The following MGMT variants were observed in gnomAD, a reference collection of about 807,000 sequenced individuals.
MGMT encodes the protein O-6-methylguanine-DNA methyltransferase.
In MGMT, 14 loss-of-function variants were observed where a neutral mutation model predicts 15.9. The ratio of observed to expected loss-of-function variants is 0.88; its 90% CI spans 0.58 to 1.37. The LOEUF is 1.37. Ranked by LOEUF, MGMT falls within the 40% of genes most tolerant of loss-of-function variation. MGMT has a pLI of 0.00. For missense variants in MGMT, 282 were observed against 268.1 expected (o/e 1.05, Z -0.36); for synonymous variants, 130 against 118.2 (o/e 1.10, Z -0.65).
intron 2 of MGMT, among the ~76,000 whole-genome samples, chr10:129,599,856 A>G (rs1354337069): frequency 6.6e-6 from 1 of 152,154 alleles, no homozygotes; most frequent in African/African-American, 2.4e-5. Context: ...TGACAGAGCA[A>G]CTTAATTGTT....
chr10:129,672,956 G>A (rs1847741474), intron 2 of MGMT, among the ~76,000 whole-genome samples: 1 of 152,174 alleles, frequency 6.6e-6, no homozygotes, highest in Non-Finnish European at 1.5e-5. Flanking sequence ...TGGGGCACCG[G>A]CAGTGTGGGA....
rs1195181010 is a variant in MGMT at position 129,770,569 on chromosome 10, T to C, written c.*3572T>C. Among the ~76,000 whole-genome samples, 1 of 152,196 alleles carries C rather than the reference T, an allele frequency of 6.6e-6. No homozygotes were observed. Among genetic ancestry groups the C allele is most frequent in the Non-Finnish European group, 1.5e-5 (1 of 68,038 alleles). Reference sequence around the variant, plus strand: ...TGGCGCCAGCTCGGACTTCACCCCGTTGGAGCGGGCAGGATGTCACACTGA... The same window carrying C: ...TGGCGCCAGCTCGGACTTCACCCCGCTGGAGCGGGCAGGATGTCACACTGA... On this transcript the variant is annotated 3_prime_UTR_variant, in exon 5 of 5. Coordinates refer to ENST00000651593, the MANE Select transcript of MGMT (RefSeq NM_002412.5).
At chr10:129,658,599 C>T (rs1173291816) in intron 2 of MGMT, among the ~76,000 whole-genome samples, 1 of 152,104 alleles carries the variant, frequency 6.6e-6, no homozygotes, top group Non-Finnish European at 1.5e-5. Flanking sequence ...AATTGAAGCC[C>T]AGCCTGCTCT....
intron 1 of MGMT, among the ~76,000 whole-genome samples, chr10:129,520,439 A>G (rs1418604009): frequency 3.9e-5 from 6 of 152,176 alleles, no homozygotes; most frequent in East Asian, 3.9e-4. Context: ...CAGAGCCCCT[A>G]TGGTGCGAGT....
Position 129,708,018 on chromosome 10 carries a change from T to C in MGMT, c.249T>C (p.Ala83=), listed in dbSNP as rs1042399. 1.2e-6 allele frequency: 2 copies of C among 1,613,414 alleles called. No individual in the cohort carries two copies. Among genetic ancestry groups the C allele is most frequent in the African/African-American group, 1.3e-5 (1 of 74,956 alleles). ...CTATCGAAGAGTTCCCCGTGCCGGC[T>C]CTTCACCATCCCGTTTTCCAGCAAG... ...PEAIEEFPVP[A]LHHPVFQQES... is the part of the protein sequence containing the mutation. Residue 83 remains alanine (A), a synonymous_variant, in exon 3 of 5, where the codon GCT becomes GCC. Coordinates refer to ENST00000651593, the MANE Select transcript of MGMT (RefSeq NM_002412.5).
intron 2 of MGMT, among the ~76,000 whole-genome samples, chr10:129,555,250 G>C (rs1027265389): frequency 6.6e-6 from 1 of 152,178 alleles, no homozygotes; most frequent in African/African-American, 2.4e-5. Context: ...GCTTGCTTCA[G>C]ATCCCTTGCC....
intron 3 of MGMT, among the ~76,000 whole-genome samples, chr10:129,754,765 C>T (rs1848786896): frequency 6.6e-6 from 1 of 152,222 alleles, no homozygotes; most frequent in Non-Finnish European, 1.5e-5. Context: ...CAGAGTCCCT[C>T]AGTAACCAAT....
At chr10:129,686,521 C>T (rs1847906044) in intron 2 of MGMT, among the ~76,000 whole-genome samples, 1 of 151,940 alleles carries the variant, frequency 6.6e-6, no homozygotes, top group Admixed American at 6.6e-5. Flanking sequence ...ATTACAGGCG[C>T]CCACCACCAC....
chr10:129,704,184 A>G (rs1978759), intron 2 of MGMT, among the ~76,000 whole-genome samples: 117,290 of 151,792 alleles, frequency 0.77, 45,391 homozygotes, highest in South Asian at 0.81. Flanking sequence ...ATTGAATAAT[A>G]TTTAAGCCAA....
intron 1 of MGMT, among the ~76,000 whole-genome samples, chr10:129,486,531 A>G (rs1022077543): frequency 2.6e-5 from 4 of 152,050 alleles, no homozygotes; most frequent in African/African-American, 9.7e-5. Flanking sequence ...TTCAGCTCAT[A>G]CTCAGTCTTT....
intron 2 of MGMT, among the ~76,000 whole-genome samples, chr10:129,598,804 G>A (rs1260291664): frequency 1.3e-5 from 2 of 152,086 alleles, no homozygotes; most frequent in Non-Finnish European, 2.9e-5. Context: ...CCCCCTCCTG[G>A]GCTCACACTC....
At chr10:129,594,744 C>G (rs948478830) in intron 2 of MGMT, among the ~76,000 whole-genome samples, 1 of 152,242 alleles carries the variant, frequency 6.6e-6, no homozygotes, top group Non-Finnish European at 1.5e-5. Flanking sequence ...GAAGAAATCT[C>G]TCTCCTACCA....
chr10:129,607,227 A>AG (rs889226396), intron 2 of MGMT, among the ~76,000 whole-genome samples: 1 of 151,884 alleles, frequency 6.6e-6, no homozygotes, highest in Non-Finnish European at 1.5e-5. Flanking sequence ...CAGAAGGAAG[A>AG]GGGCAGTCAT....
At chr10:129,540,761 A>T (rs970925660) in intron 2 of MGMT, among the ~76,000 whole-genome samples, 2 of 152,340 alleles carry the variant, frequency 1.3e-5, no homozygotes, top group Middle Eastern at 3.4e-3. Flanking sequence ...GATTGATATT[A>T]CTTTATCTCC....
intron 4 of MGMT, among the ~76,000 whole-genome samples, chr10:129,765,145 G>A (rs76444821): frequency 0.057 from 8,694 of 152,104 alleles, 395 homozygotes; most frequent in Non-Finnish European, 0.085. Flanking sequence ...CCCCCCACAC[G>A]TCCCCCGAGA....
intron 3 of MGMT, among the ~76,000 whole-genome samples, chr10:129,718,713 C>A (rs542929333): frequency 3.0e-4 from 46 of 151,742 alleles, no homozygotes; most frequent in African/African-American, 1.1e-3. Context: ...CCTTCCTGGG[C>A]TGTCTAGAGC....
intron 2 of MGMT, among the ~76,000 whole-genome samples, chr10:129,651,316 TGTG>T (rs1373605950): frequency 6.6e-6 from 1 of 152,094 alleles, no homozygotes; most frequent in Non-Finnish European, 1.5e-5. Flanking sequence ...TAATTAGTAA[TGTG>T]GTGGTCCCAG....
At chr10:129,579,334 C>T (rs538910199) in intron 2 of MGMT, among the ~76,000 whole-genome samples, 4 of 152,334 alleles carry the variant, frequency 2.6e-5, no homozygotes, top group African/African-American at 9.6e-5. Context: ...CTGTACCTGC[C>T]TACCTGTGGC....
intron 1 of MGMT, among the ~76,000 whole-genome samples, chr10:129,479,824 G>A (rs921846918): frequency 1.3e-5 from 2 of 152,016 alleles, no homozygotes; most frequent in Non-Finnish European, 2.9e-5. Context: ...ATCTGTGTTT[G>A]CCCTCCTTGC....
Sources: gnomAD v4.1 joint callset for allele counts (sites outside exome capture counted in the v4.1 genomes callset) on GRCh38, gnomAD v4.1.1 for gene constraint, MANE v1.5 for transcripts, NCBI Gene and HGNC (gene_info 2026-07-23, HGNC 2026-07-21) for gene names.